SPEN: variants seen among roughly 807,000 people sequenced by gnomAD.
SPEN encodes the protein spen family transcriptional repressor, also known as msx2-interacting protein.
Under a neutral mutation model 269.9 loss-of-function variants are expected in SPEN, and 18 were observed. That is an observed-to-expected ratio of 0.07 (90% CI 0.05 to 0.10). SPEN has a LOEUF of 0.10. Among genes scored for constraint, SPEN ranks in the 10% least tolerant of loss-of-function variants. SPEN has a pLI of 1.00. For missense variants in SPEN, 3,822 were observed against 4,631.2 expected, an observed-to-expected ratio of 0.83 and a Z score of 5.07; for synonymous variants, 1,726 against 1,765.7, an observed-to-expected ratio of 0.98 and a Z score of 0.56.
In SPEN at chr1:15,848,002, C is replaced by G. The variant is rs2070290513; in HGVS notation, c.-66C>G. ...CCGCCCCGGCACCCGCCTCCCGGCGCTGACGGTCTCGTACGAAGCCGGCGA... is the reference window on the plus strand; with the variant it reads ...CCGCCCCGGCACCCGCCTCCCGGCGGTGACGGTCTCGTACGAAGCCGGCGA... On this transcript the variant is annotated 5_prime_UTR_variant, in exon 1 of 15. Coordinates refer to ENST00000375759, the MANE Select transcript of SPEN (RefSeq NM_015001.3). This position sits in a 1 kb window ranked among gnomAD's most constrained non-coding sequence, Gnocchi z 5.1. The G allele has an allele frequency of 1.3e-5, 15 of 1,129,732 alleles. 1 individual carries two copies. In the South Asian group the frequency reaches 4.3e-4, roughly 32 times the overall value. The allele number at this position is 1,129,732 out of a possible 1,614,324, so 70.0% of individuals were successfully genotyped here. A position where few individuals can be genotyped will look rare whatever the true frequency, so the allele number is the denominator to read the frequency against.
At chr1:15,901,336 AAAAAAT>A (rs1189819621) in intron 3 of SPEN, among the ~76,000 whole-genome samples, 1 of 151,166 alleles carries the variant, frequency 6.6e-6, no homozygotes, top group African/African-American at 2.4e-5. Flanking sequence ...ATAAAAAAAT[AAAAAAT>A]AAAAATAAAA....
chr1:15,863,178 G>C (rs2070464593), intron 1 of SPEN, among the ~76,000 whole-genome samples: 1 of 152,156 alleles, frequency 6.6e-6, no homozygotes, highest in African/African-American at 2.4e-5. Flanking sequence ...GAACCTGGGA[G>C]GTTGAGGCTG....
intron 1 of SPEN, among the ~76,000 whole-genome samples, chr1:15,863,039 G>A (rs2070463186): frequency 6.6e-6 from 1 of 152,034 alleles, no homozygotes; most frequent in South Asian, 2.1e-4. Flanking sequence ...AGGATTACAG[G>A]TGTGAGCCAC....
intron 1 of SPEN, among the ~76,000 whole-genome samples, chr1:15,864,193 A>G (rs1042753859): frequency 8.0e-5 from 12 of 150,440 alleles, no homozygotes; most frequent in African/African-American, 2.2e-4. Context: ...TTTTGAAACA[A>G]TGTCTCACTC....
At chr1:15,899,022 G>T (rs572534280) in intron 3 of SPEN, among the ~76,000 whole-genome samples, 1 of 152,012 alleles carries the variant, frequency 6.6e-6, no homozygotes, top group African/African-American at 2.4e-5. Flanking sequence ...TTGAGTTCCC[G>T]TCTTCATTTC....
Position 15,919,500 on chromosome 1 carries a change from T to A in SPEN, c.1618T>A (p.Tyr540Asn), listed in dbSNP as rs926794473. The change falls in exon 8 of 15, where the codon TAT becomes AAT. Residue 540 changes from tyrosine to asparagine, a missense_variant. Physicochemically the swap from Tyr to Asn is moderately radical, Grantham distance 143. Around this residue, in one of 16 missense-constraint regions of SPEN, gnomAD observed 230 missense variants for 426.1 expected, o/e 0.54. Coordinates refer to ENST00000375759, the MANE Select transcript of SPEN (RefSeq NM_015001.3). ...DQYLTRHFCR[Y>N]GPVVKVVFDR... is the part of the protein sequence containing the mutation. ...GTATTTAACACGACATTTCTGCCGA[T>A]ATGGGCCTGTGGTAAAGGTAGGCGG... 1 of 1,601,440 alleles carries A rather than the reference T, an allele frequency of 6.2e-7. No individual in the cohort carries two copies. Among genetic ancestry groups the A allele is most frequent in the South Asian group, 1.1e-5 (1 of 88,616 alleles).
chr1:15,873,242 A>T, intron 2 of SPEN, 106 bp downstream of exon 2: 1 of 1,423,020 alleles, frequency 7.0e-7, no homozygotes, highest in Non-Finnish European at 9.2e-7. Context: ...GGGCATTCTC[A>T]ATGTTTCCTA....
chr1:15,848,540 G>T lies in SPEN; in HGVS notation c.83+390G>T, dbSNP rs2070300071. 6.6e-6 allele frequency among the ~76,000 whole-genome samples: 1 copy of T among 152,028 alleles called. No individual in the cohort carries two copies. Among genetic ancestry groups the T allele is most frequent in the Non-Finnish European group, 1.5e-5 (1 of 67,946 alleles). ...GCCCGGCCCGGAGCAGCCGGGACCC[G>T]AGCCCGCCCGACAGCCGGGTCCGGC... On this transcript the variant is annotated intron_variant, in intron 1 of 14. Coordinates refer to ENST00000375759, the MANE Select transcript of SPEN (RefSeq NM_015001.3). The surrounding 1 kb of genome is among the most constrained non-coding windows in gnomAD (Gnocchi z 5.1).
At chr1:15,923,167 C>T (rs2071135331) in intron 10 of SPEN, among the ~76,000 whole-genome samples, 2 of 152,074 alleles carry the variant, frequency 1.3e-5, no homozygotes, top group South Asian at 2.1e-4. Context: ...ATCAATAAGC[C>T]AAAGCATATG....
At chr1:15,894,533 GTTGTT>G (rs2070820338) in intron 3 of SPEN, among the ~76,000 whole-genome samples, 6 of 136,014 alleles carry the variant, frequency 4.4e-5, no homozygotes, top group African/African-American at 1.8e-4. Flanking sequence ...CCATATTATG[GTTGTT>G]TTTTTTTTTT....
intron 1 of SPEN, among the ~76,000 whole-genome samples, chr1:15,861,351 C>T (rs985331862): frequency 1.3e-5 from 2 of 151,946 alleles, no homozygotes; most frequent in African/African-American, 2.4e-5. Context: ...AGGCTCGTCT[C>T]GAACTCCTGA....
At chr1:15,864,607 GTTTT>G in intron 1 of SPEN, among the ~76,000 whole-genome samples, 1 of 82,604 alleles carries the variant, frequency 1.2e-5, no homozygotes, top group Admixed American at 1.3e-4. Context: ...AGGTTTGTGG[GTTTT>G]TTTTTTTTTT....
intron 1 of SPEN, among the ~76,000 whole-genome samples, chr1:15,852,507 G>A (rs1017052480): frequency 2.6e-5 from 4 of 152,026 alleles, no homozygotes; most frequent in African/African-American, 9.7e-5. Flanking sequence ...ATAATAAAAT[G>A]GGTTTTATTT....
intron 9 of SPEN, among the ~76,000 whole-genome samples, chr1:15,921,793 T>C (rs114131866): frequency 1.5e-4 from 23 of 152,346 alleles, no homozygotes; most frequent in African/African-American, 5.5e-4. Flanking sequence ...GATTGTTAGG[T>C]TGAAAAAAGT....
chr1:15,866,823 A>G (rs2148708025), intron 1 of SPEN, among the ~76,000 whole-genome samples: 1 of 152,340 alleles, frequency 6.6e-6, no homozygotes, highest in East Asian at 1.9e-4. Context: ...TGCTTGAAAT[A>G]GAAAAATGCC....
In SPEN at chr1:15,939,818, A is replaced by G; in HGVS notation, c.*391A>G. ...TGACTTGGACTTTTGCCCAGTGAAGACAGGCTGTGACACTCTGGATGTCTT... is the reference window on the plus strand; with the variant it reads ...TGACTTGGACTTTTGCCCAGTGAAGGCAGGCTGTGACACTCTGGATGTCTT... On this transcript the variant is annotated 3_prime_UTR_variant, in exon 15 of 15. Coordinates refer to ENST00000375759, the MANE Select transcript of SPEN (RefSeq NM_015001.3). The surrounding 1 kb of genome is among the most constrained non-coding windows in gnomAD (Gnocchi z 4.1). 1 of 236,734 alleles carries G rather than the reference A, an allele frequency of 4.2e-6. No individual in the cohort carries two copies. The highest frequency in any genetic ancestry group is 2.2e-5 in the African/African-American group (1 of 45,602). 14.7% of individuals were successfully genotyped at this position (236,734 alleles called of 1,614,324 possible).
chr1:15,929,055 G>A lies in SPEN; in HGVS notation c.2815G>A (p.Val939Ile). 10 of 1,614,196 alleles carry A rather than the reference G, an allele frequency of 6.2e-6. No individual in the cohort carries two copies. Among genetic ancestry groups the A allele is most frequent in the Non-Finnish European group, 8.5e-6 (10 of 1,180,038 alleles). The change falls in exon 11 of 15, where the codon GTA (valine) becomes ATA (isoleucine). Residue 939 changes from valine (V) to isoleucine (I), a missense_variant. Physicochemically the swap from Val to Ile is conservative, Grantham distance 29. This residue lies in a region of SPEN where 572 missense variants were observed against 582.6 expected (regional missense o/e 0.98). Coordinates refer to ENST00000375759, the MANE Select transcript of SPEN (RefSeq NM_015001.3). The surrounding 1 kb of genome is among the most constrained non-coding windows in gnomAD (Gnocchi z 5.8). ...LSKLESVRMK[V>I]PKEKGLSSHV... ...TAAACTGGAATCAGTTAGAATGAAA[G>A]TACCAAAGGAAAAGGGGCTTTCAAG... is the stretch of plus-strand genomic sequence containing the variant.
chr1:15,909,456 C>T lies in SPEN; in HGVS notation c.1017C>T (p.Val339=), dbSNP rs2070991619. ...DEPRKSFGIK[V]QNLPVRSTDT... ...CCCGTAAAAGTTTTGGCATCAAGGT[C>T]CAGAATCTTCCAGTACGCTCTACAG... Residue 339 remains valine, a synonymous_variant, in exon 4 of 15, where the codon GTC becomes GTT. Coordinates refer to ENST00000375759, the MANE Select transcript of SPEN (RefSeq NM_015001.3). 3.7e-6 allele frequency: 6 copies of T among 1,614,106 alleles called. No homozygotes were observed. Among genetic ancestry groups the T allele is most frequent in the Non-Finnish European group, 4.2e-6 (5 of 1,180,018 alleles).
rs1194601008 is a variant in SPEN at position 15,928,624 on chromosome 1, G to A, written c.2384G>A (p.Arg795Gln). ...YTKNEKTDKE[R>Q]TFDPERVERE... ...AAAAATGAAAAGACAGATAAAGAAC[G>A]AACTTTTGATCCGGAGAGAGTGGAG... The change falls in exon 11 of 15, where the codon CGA (arginine) becomes CAA (glutamine). Residue 795 changes from arginine (R) to glutamine (Q), a missense_variant. This residue lies in a region of SPEN where 572 missense variants were observed against 582.6 expected (regional missense o/e 0.98). Coordinates refer to ENST00000375759, the MANE Select transcript of SPEN (RefSeq NM_015001.3). This position sits in a 1 kb window ranked among gnomAD's most constrained non-coding sequence, Gnocchi z 5.7. 2.5e-6 allele frequency: 4 copies of A among 1,613,858 alleles called. No individual in the cohort carries two copies. The South Asian group carries it at 3.3e-5, about 13-fold the overall frequency.
Sources: allele counts gnomAD v4.1 joint callset (sites outside exome capture counted in the v4.1 genomes callset), GRCh38; gene constraint gnomAD v4.1.1; regional missense constraint gnomAD v4.1.1; non-coding constraint Gnocchi (gnomAD v3.1); transcripts MANE v1.5; gene names NCBI Gene and HGNC (gene_info 2026-07-23, HGNC 2026-07-21).